Variants in MTCL2 observed in about 807,000 individuals in gnomAD.
MTCL2 encodes microtubule cross-linking factor 2.
At chr20:36,837,161 CAGA>C in the MTCL2 span, among the ~76,000 whole-genome samples, 3 of 152,198 alleles carry the variant, frequency 2.0e-5, no homozygotes. Context: ...GGCCTTCACT[CAGA>C]AGTCACCCCT....
the MTCL2 span, among the ~76,000 whole-genome samples, chr20:36,820,719 G>C: frequency 6.6e-6 from 1 of 152,096 alleles, no homozygotes; most frequent in Admixed American, 6.6e-5. Flanking sequence ...GCAGGCACCT[G>C]TAATCCCAGC....
At chr20:36,858,798 ATTT>A in the MTCL2 span, among the ~76,000 whole-genome samples, 2 of 150,486 alleles carry the variant, frequency 1.3e-5, no homozygotes, top group Non-Finnish European at 3.0e-5. Flanking sequence ...ACCTTTACTT[ATTT>A]TTTTTTGAGA....
the MTCL2 span, among the ~76,000 whole-genome samples, chr20:36,847,883 T>C: frequency 6.7e-6 from 1 of 149,068 alleles, no homozygotes; most frequent in African/African-American, 2.5e-5. Flanking sequence ...AGAGTATAGC[T>C]TCTGTCCTGC....
chr20:36,838,009 T>G, the MTCL2 span, among the ~76,000 whole-genome samples: 608 of 151,998 alleles, frequency 4.0e-3, 6 homozygotes, highest in Middle Eastern at 0.031. Flanking sequence ...AGCCAAGATT[T>G]AAACCAGCCT....
chr20:36,841,992 A>C, the MTCL2 span, among the ~76,000 whole-genome samples: 1 of 150,792 alleles, frequency 6.6e-6, no homozygotes, highest in African/African-American at 2.4e-5. Context: ...CAGCATCCCA[A>C]AGTGCTGGGA....
chr20:36,863,465 C>A, the MTCL2 span: 2 of 716,564 alleles, frequency 2.8e-6, no homozygotes, highest in Admixed American at 5.2e-5. The surrounding 1 kb of genome is among the most constrained non-coding windows in gnomAD (Gnocchi z 6.2). Context: ...CTCGGCCCAC[C>A]TCGGCCCCGA....
At chr20:36,780,900 GAA>G in the MTCL2 span, 1 of 152,174 alleles carries the variant, frequency 6.6e-6, no homozygotes, top group Non-Finnish European at 1.5e-5. Context: ...TAAATTAGTA[GAA>G]GAGTTCGTCT....
the MTCL2 span, among the ~76,000 whole-genome samples, chr20:36,831,475 T>C: frequency 1.3e-3 from 197 of 152,306 alleles, no homozygotes; most frequent in Admixed American, 5.1e-3. Flanking sequence ...GAAATGACTG[T>C]TGTGCCTCCT....
chr20:36,847,601 G>C, the MTCL2 span, among the ~76,000 whole-genome samples: 26 of 152,006 alleles, frequency 1.7e-4, no homozygotes, highest in African/African-American at 6.0e-4. Context: ...GCCTGTAATC[G>C]CAACACTTTG....
the MTCL2 span, chr20:36,794,523 G>A: frequency 4.0e-5 from 64 of 1,614,000 alleles, no homozygotes; most frequent in Non-Finnish European, 4.9e-5. This position sits in a 1 kb window ranked among gnomAD's most constrained non-coding sequence, Gnocchi z 5.4. Context: ...TTCTTGCCCC[G>A]GGCATCTCCG....
At chr20:36,808,409 A>T in the MTCL2 span, 1 of 864,616 alleles carries the variant, frequency 1.2e-6, no homozygotes, top group Non-Finnish European at 1.8e-6. Context: ...TGCTGATGGC[A>T]GGTATGTGAG....
chr20:36,856,532 G>A, the MTCL2 span, among the ~76,000 whole-genome samples: 2 of 152,216 alleles, frequency 1.3e-5, no homozygotes, highest in Admixed American at 1.3e-4. Flanking sequence ...CTCGACAATC[G>A]GTCCACTTCA....
the MTCL2 span, among the ~76,000 whole-genome samples, chr20:36,855,397 C>T: frequency 1.3e-5 from 2 of 152,222 alleles, no homozygotes; most frequent in African/African-American, 4.8e-5. Flanking sequence ...CTGCTGCTTC[C>T]ACCTGCTCTG....
the MTCL2 span, among the ~76,000 whole-genome samples, chr20:36,856,878 G>C: frequency 1.3e-5 from 2 of 152,242 alleles, no homozygotes; most frequent in African/African-American, 4.8e-5. Context: ...ACGTGTGTGC[G>C]TGTGTCTAGG....
chr20:36,829,295 C>T, the MTCL2 span: 2 of 1,389,844 alleles, frequency 1.4e-6, no homozygotes, highest in Non-Finnish European at 9.6e-7. Context: ...CCGACTTTCA[C>T]AGCAGGGCAA....
At chr20:36,816,398 G>A in the MTCL2 span, 6 of 1,109,914 alleles carry the variant, frequency 5.4e-6, no homozygotes, top group East Asian at 1.4e-4. Context: ...TATGTGCTGG[G>A]AACACAGGGA....
chr20:36,830,231 G>A, the MTCL2 span, among the ~76,000 whole-genome samples: 6 of 151,926 alleles, frequency 3.9e-5, no homozygotes, highest in African/African-American at 1.2e-4. Flanking sequence ...TTAAAGGGAG[G>A]AGACTGAGGA....
At chr20:36,816,058 G>T in the MTCL2 span, 4 of 1,613,530 alleles carry the variant, frequency 2.5e-6, no homozygotes, top group Non-Finnish European at 3.4e-6. Context: ...ACGATGCGGC[G>T]GCTCAGCAGG....
At chr20:36,792,833 T>TATATATAC in the MTCL2 span, among the ~76,000 whole-genome samples, 5 of 144,338 alleles carry the variant, frequency 3.5e-5, no homozygotes, top group African/African-American at 1.4e-4. Flanking sequence ...TATATATAGA[T>TATATATAC]ATATAGATAG....
Sources: allele counts gnomAD v4.1 joint callset (sites outside exome capture counted in the v4.1 genomes callset), GRCh38; gene constraint gnomAD v4.1.1; non-coding constraint Gnocchi (gnomAD v3.1); transcripts MANE v1.5; gene names NCBI Gene and HGNC (gene_info 2026-07-23, HGNC 2026-07-21).